Variants in TAFA2 observed in about 807,000 individuals in gnomAD.
TAFA2 encodes TAFA chemokine like family member 2, also known as chemokine-like protein TAFA-2.
Under a neutral mutation model 18.8 loss-of-function variants are expected in TAFA2, and 7 were observed. That is an observed-to-expected ratio of 0.37 (90% CI 0.21 to 0.70). The LOEUF (loss-of-function observed/expected upper bound fraction) is 0.70, where lower values mean the gene tolerates loss of function less well. Among genes scored for constraint, TAFA2 ranks in the 30% least tolerant of loss-of-function variants. The pLI, the probability that TAFA2 is intolerant of heterozygous loss-of-function variation, is 0.53. For missense variants in TAFA2, 122 were observed against 158.1 expected, an observed-to-expected ratio of 0.77 and a Z score of 1.23; for synonymous variants, 60 against 54.2, an observed-to-expected ratio of 1.11 and a Z score of -0.47.
intron 1 of TAFA2, among the ~76,000 whole-genome samples, chr12:61,933,710 C>A (rs533590887): frequency 2.0e-4 from 31 of 152,194 alleles, no homozygotes; most frequent in African/African-American, 7.0e-4. Context: ...GTGACAGAGA[C>A]AGACCCTGTC....
In TAFA2 at chr12:62,203,649, A is replaced by T. The variant is rs150479960; in HGVS notation, c.-130+55114T>A. Among the ~76,000 whole-genome samples the T allele has an allele frequency of 1.8e-3, 273 of 152,224 alleles. 1 individual carries two copies. The highest frequency in any genetic ancestry group is 6.5e-3 in the African/African-American group (269 of 41,534). The stretch of plus-strand genomic sequence containing the variant: ...AAAGTCTGTTTTGTCAGAAACTAGG[A>T]TTGCAACCCCTGCTTTTTTTGGCTT... On this transcript the variant is annotated intron_variant, in intron 1 of 5. Coordinates refer to the TAFA2 transcript ENST00000551619.
rs186431019 is a variant in TAFA2, at chr12:61,870,753, A to C, written c.-1-3327T>G. 7.0e-4 allele frequency among the ~76,000 whole-genome samples: 107 copies of C among 152,268 alleles called. 2 individuals are homozygous for C. In the East Asian group the frequency reaches 0.019, roughly 27 times the overall value. On this transcript the variant is annotated intron_variant, in intron 1 of 4. Transcript: ENST00000416284. ...TTCCCTCCATTCCCACCTACTCTTC[A>C]AAATGGGTAACTTCTACTCACTAGT...
intron 1 of TAFA2, among the ~76,000 whole-genome samples, chr12:61,986,771 G>A (rs1879835125): frequency 6.6e-6 from 1 of 152,120 alleles, no homozygotes; most frequent in Non-Finnish European, 1.5e-5. Flanking sequence ...AAAAGAGTGT[G>A]TGTGTACATA....
At chr12:61,939,732 T>C (rs1172316488) in intron 1 of TAFA2, among the ~76,000 whole-genome samples, 1 of 152,238 alleles carries the variant, frequency 6.6e-6, no homozygotes, top group Non-Finnish European at 1.5e-5. Flanking sequence ...ATACATTTGA[T>C]GGCTGCCTCT....
At chr12:61,872,511 C>T (rs1180554057) in intron 1 of TAFA2, among the ~76,000 whole-genome samples, 1 of 152,116 alleles carries the variant, frequency 6.6e-6, no homozygotes, top group Non-Finnish European at 1.5e-5. Flanking sequence ...AATCAAATCA[C>T]ATTGCCCCAC....
chr12:61,898,994 T>G (rs1242731984), intron 1 of TAFA2, among the ~76,000 whole-genome samples: 1 of 152,198 alleles, frequency 6.6e-6, no homozygotes, highest in Non-Finnish European at 1.5e-5. Flanking sequence ...TCCACAGATC[T>G]CTAGGGCAGG....
At chr12:62,053,282 CT>C (rs1882103390) in intron 1 of TAFA2, among the ~76,000 whole-genome samples, 1 of 152,200 alleles carries the variant, frequency 6.6e-6, no homozygotes, top group East Asian at 1.9e-4. Context: ...TATATTTTTA[CT>C]TGTTTTGTTA....
intron 2 of TAFA2, among the ~76,000 whole-genome samples, chr12:61,799,280 G>C (rs1369929857): frequency 9.9e-5 from 15 of 152,094 alleles, no homozygotes; most frequent in Admixed American, 9.8e-4. Flanking sequence ...TCTTAGCAGT[G>C]TATTTTTTCC....
At chr12:61,997,167 ATGTGTG>A (rs35419865) in intron 1 of TAFA2, among the ~76,000 whole-genome samples, 1 of 145,556 alleles carries the variant, frequency 6.9e-6, no homozygotes, top group Non-Finnish European at 1.5e-5. Flanking sequence ...ATATGTATAT[ATGTGTG>A]TGTGTGTGTG....
chr12:61,753,788 G>T (rs778971025), intron 3 of TAFA2, 42 bp from the exon 4 acceptor site: 2 of 1,573,958 alleles, frequency 1.3e-6, no homozygotes, highest in Non-Finnish European at 1.7e-6. Context: ...TTTTTTCTTG[G>T]GACTTATTTC....
intron 1 of TAFA2, among the ~76,000 whole-genome samples, chr12:62,168,945 T>TACACACACACACACACACACAC (rs147184565): frequency 2.7e-5 from 4 of 148,836 alleles, no homozygotes; most frequent in African/African-American, 9.9e-5. Context: ...ACTCACTCTC[T>TACACACACACACACACACACAC]ACACACACAC....
upstream of TAFA2, among the ~76,000 whole-genome samples, chr12:62,196,598 A>G (rs575258429): frequency 6.6e-6 from 1 of 152,348 alleles, no homozygotes; most frequent in Admixed American, 6.5e-5. Flanking sequence ...TTGGTGAAAC[A>G]GTCAGAACCA....
intron 1 of TAFA2, among the ~76,000 whole-genome samples, chr12:62,150,619 C>A (rs9739399): frequency 0.02 from 3,119 of 152,182 alleles, 112 homozygotes; most frequent in African/African-American, 0.07. Context: ...AGTAGCAAAC[C>A]TGGCTGGGCA....
chr12:62,041,253 A>G (rs1444600034), intron 1 of TAFA2, among the ~76,000 whole-genome samples: 1 of 152,160 alleles, frequency 6.6e-6, no homozygotes, highest in Non-Finnish European at 1.5e-5. Flanking sequence ...AAACACAGAA[A>G]TGTTAGGTCA....
chr12:62,234,305 A>T, intron 1 of TAFA2: 1 of 447,226 alleles, frequency 2.2e-6, no homozygotes, highest in South Asian at 1.9e-5. Flanking sequence ...TGCTGAATGA[A>T]TATAGAACTT....
chr12:62,133,117 C>T (rs1244331220), intron 1 of TAFA2, among the ~76,000 whole-genome samples: 1 of 151,916 alleles, frequency 6.6e-6, no homozygotes, highest in Non-Finnish European at 1.5e-5. Flanking sequence ...ACACAGGCAC[C>T]CCCAGCATTG....
At position 62,004,590 on chromosome 12, in the gene TAFA2, G is replaced by T. The variant is rs544055120; in HGVS notation, c.-1-137164C>A. ...AAAAATGAATGTCTCCAAGTTTGATGGGGAATGTGATAGGGTATAAATTGT... is the reference window on the plus strand; with the variant it reads ...AAAAATGAATGTCTCCAAGTTTGATTGGGAATGTGATAGGGTATAAATTGT... On this transcript the variant is annotated intron_variant, in intron 1 of 4. Coordinates refer to ENST00000416284, the MANE Select transcript of TAFA2 (RefSeq NM_178539.5). Among the ~76,000 whole-genome samples the T allele has an allele frequency of 1.4e-4, 22 of 152,222 alleles. No individual in the cohort carries two copies. In the South Asian group the frequency reaches 3.7e-3, roughly 26 times the overall value.
chr12:61,828,226 A>C (rs10877750), intron 2 of TAFA2, among the ~76,000 whole-genome samples: 54,201 of 151,660 alleles, frequency 0.36, 9,844 homozygotes, highest in Non-Finnish European at 0.39. Flanking sequence ...GAAATTGAAT[A>C]CATTTTTCTT....
chr12:62,246,202 G>A (rs12306695), intron 1 of TAFA2, among the ~76,000 whole-genome samples: 2,939 of 152,160 alleles, frequency 0.019, 40 homozygotes, highest in African/African-American at 0.039. Context: ...TAGCCAGGAT[G>A]GTCTCAATCT....
Sources: gnomAD v4.1 joint callset for allele counts (sites outside exome capture counted in the v4.1 genomes callset) on GRCh38, gnomAD v4.1.1 for gene constraint, MANE v1.5 for transcripts, NCBI Gene and HGNC (gene_info 2026-07-23, HGNC 2026-07-21) for gene names.